RCC1L: variants seen among roughly 807,000 people sequenced by gnomAD.
The protein encoded by RCC1L is RCC1 like, also known as RCC1-like G exchanging factor-like protein.
In RCC1L, 46 loss-of-function variants were observed where a neutral mutation model predicts 58.6. The ratio of observed to expected loss-of-function variants is 0.79; its 90% CI spans 0.62 to 1.00. The LOEUF (loss-of-function observed/expected upper bound fraction) is 1.00, where lower values mean the gene tolerates loss of function less well. Ranked by LOEUF, RCC1L falls within the 50% of genes least tolerant of loss-of-function variation. The probability of loss-of-function intolerance (pLI) is 0.00; values close to 1 mark genes in which losing one functional copy is unlikely to be tolerated. For synonymous variants in RCC1L, 281 were observed against 262.9 expected, an observed-to-expected ratio of 1.07 and a Z score of -0.67; for missense variants, 636 against 623.6, an observed-to-expected ratio of 1.02 and a Z score of -0.21.
chr7:75,048,331 G>A (rs1805807329), intron 10 of RCC1L, among the ~76,000 whole-genome samples: 1 of 151,412 alleles, frequency 6.6e-6, no homozygotes, highest in Non-Finnish European at 1.5e-5. Flanking sequence ...AGTCGTATAA[G>A]CGAGGCTAGA....
At chr7:75,060,353 C>T (rs1004058025) in intron 6 of RCC1L, among the ~76,000 whole-genome samples, 1 of 152,362 alleles carries the variant, frequency 6.6e-6, no homozygotes, top group African/African-American at 2.4e-5. Flanking sequence ...GGGCTGCTGG[C>T]CAGGGGTTAC....
downstream of RCC1L, among the ~76,000 whole-genome samples, chr7:75,039,071 C>T (rs2131972440): frequency 6.6e-6 from 1 of 152,338 alleles, no homozygotes; most frequent in Admixed American, 6.5e-5. Context: ...AACTCCTGAC[C>T]TCAAGTGCTC....
At chr7:75,065,272 A>T (rs1806428797) in intron 3 of RCC1L, among the ~76,000 whole-genome samples, 1 of 152,024 alleles carries the variant, frequency 6.6e-6, no homozygotes, top group African/African-American at 2.4e-5. Context: ...ATGAAATTTG[A>T]GGCTAGGCAC....
At chr7:75,048,435 G>C (rs1022073678) in intron 10 of RCC1L, among the ~76,000 whole-genome samples, 1 of 152,180 alleles carries the variant, frequency 6.6e-6, no homozygotes, top group Non-Finnish European at 1.5e-5. Context: ...AGGCAGAGTC[G>C]CAAGTTCAAA....
chr7:75,052,223 A>G (rs1805934245), intron 10 of RCC1L, among the ~76,000 whole-genome samples: 2 of 152,182 alleles, frequency 1.3e-5, no homozygotes, highest in African/African-American at 2.4e-5. Context: ...TTCATTGTGA[A>G]GCATTCCCCC....
At chr7:75,054,323 A>G (rs1239487215) in intron 9 of RCC1L, among the ~76,000 whole-genome samples, 9 of 152,210 alleles carry the variant, frequency 5.9e-5, no homozygotes, top group African/African-American at 2.2e-4. Flanking sequence ...GCACACAGGC[A>G]GGAAGACAGC....
chr7:75,056,614 G>C (rs1447135374), intron 8 of RCC1L: 14 of 1,534,930 alleles, frequency 9.1e-6, no homozygotes, highest in Non-Finnish European at 1.2e-5. Flanking sequence ...TTTTTGGCTG[G>C]AGAAGGCAGA....
chr7:75,065,376 G>A (rs1437451781), intron 3 of RCC1L, among the ~76,000 whole-genome samples: 20 of 151,966 alleles, frequency 1.3e-4, no homozygotes, highest in African/African-American at 4.4e-4. Context: ...CAAACATGGT[G>A]AAACCCTGTC....
chr7:75,066,863 G>A lies in RCC1L; in HGVS notation c.455-71C>T, dbSNP rs923950291. On this transcript the variant is annotated intron_variant, in intron 2 of 10. Coordinates refer to ENST00000610322, the MANE Select transcript of RCC1L (RefSeq NM_030798.5). ...TGGAAATCATACTGTCCAACTCCAC[G>A]CTACTACACTGGAAAAAAGAGAGTC... 9.3e-5 allele frequency: 140 copies of A among 1,509,978 alleles called. 1 individual carries two copies. The East Asian group carries it at 2.7e-3, about 30-fold the overall frequency. 93.5% of individuals were successfully genotyped at this position (1,509,978 alleles called of 1,614,324 possible).
chr7:75,068,254 A>C (rs988001536), intron 2 of RCC1L, among the ~76,000 whole-genome samples: 21 of 146,280 alleles, frequency 1.4e-4, no homozygotes, highest in Middle Eastern at 7.0e-3. Flanking sequence ...CAGGAGGAGG[A>C]GGCTGCGGTC....
At chr7:75,032,663 T>C (rs1296746333) in intron 10 of RCC1L, among the ~76,000 whole-genome samples, 1 of 151,666 alleles carries the variant, frequency 6.6e-6, no homozygotes, top group Non-Finnish European at 1.5e-5. Flanking sequence ...AGACCGGGAG[T>C]GAAAATGGAA....
chr7:75,031,447 A>G (rs1343395627), intron 10 of RCC1L, among the ~76,000 whole-genome samples: 1 of 152,038 alleles, frequency 6.6e-6, no homozygotes, highest in Admixed American at 6.6e-5. Flanking sequence ...TATGTTGGAG[A>G]AAAAAAATTA....
At chr7:75,061,548 A>T (rs1806280016) in intron 5 of RCC1L, among the ~76,000 whole-genome samples, 1 of 152,084 alleles carries the variant, frequency 6.6e-6, no homozygotes. Flanking sequence ...CGCCATCTCC[A>T]AAGAACCACC....
chr7:75,066,479 A>C (rs1806490569), intron 3 of RCC1L, among the ~76,000 whole-genome samples, 185 bp downstream of exon 3: 1 of 152,118 alleles, frequency 6.6e-6, no homozygotes, highest in South Asian at 2.1e-4. Flanking sequence ...AAATAAAAAT[A>C]AATAAAGAAT....
intron 10 of RCC1L, among the ~76,000 whole-genome samples, chr7:75,052,000 A>C (rs918774846): frequency 1.3e-5 from 2 of 152,078 alleles, no homozygotes; most frequent in African/African-American, 4.8e-5. Flanking sequence ...AAAACCCCAA[A>C]AACCTCCTTT....
rs1217279367 is a variant in RCC1L at position 75,052,780 on chromosome 7, A to G, written c.1248T>C (p.Phe416=). 4 of 1,613,036 alleles carry G rather than the reference A, an allele frequency of 2.5e-6. No homozygotes were observed. The African/African-American group carries it at 5.3e-5, about 22-fold the overall frequency. ...FAALTNKGEL[F]VWGKNIRGCL... ...ACCCTCGGATGTTCTTGCCCCATAC[A>G]AACAGCTCTCCTTTGTCTGCAAAGG... Residue 416 remains phenylalanine, a synonymous_variant, in exon 10 of 11, where the codon TTT becomes TTC. Transcript: ENST00000610322.
intron 10 of RCC1L, among the ~76,000 whole-genome samples, chr7:75,051,181 A>G (rs1805893007): frequency 1.4e-5 from 2 of 142,532 alleles, no homozygotes; most frequent in Non-Finnish European, 3.0e-5. Context: ...TGGAAAAAAT[A>G]TATATATATA....
chr7:75,038,567 C>T (rs1805478652), downstream of RCC1L, among the ~76,000 whole-genome samples: 1 of 149,266 alleles, frequency 6.7e-6, no homozygotes, highest in Non-Finnish European at 1.5e-5. Context: ...AGTGTTCATT[C>T]CTACTCCATG....
intron 6 of RCC1L, among the ~76,000 whole-genome samples, chr7:75,060,422 C>G (rs1806236266): frequency 6.6e-6 from 1 of 152,184 alleles, no homozygotes; most frequent in African/African-American, 2.4e-5. Flanking sequence ...CTGTCCTTTT[C>G]TCTGCAGTTT....
Sources: gnomAD v4.1 joint callset for allele counts (sites outside exome capture counted in the v4.1 genomes callset) on GRCh38, gnomAD v4.1.1 for gene constraint, MANE v1.5 for transcripts, NCBI Gene and HGNC (gene_info 2026-07-23, HGNC 2026-07-21) for gene names.